ATG5: variants seen among roughly 807,000 people sequenced by gnomAD.
The protein encoded by ATG5 is autophagy related 5, also known as autophagy protein 5.
In ATG5, 14 loss-of-function variants were observed where a neutral mutation model predicts 36.5. The observed-to-expected ratio is 0.38, with a 90% confidence interval of 0.25 to 0.60. The LOEUF (loss-of-function observed/expected upper bound fraction) is 0.60. ATG5 is among the 20% of genes least tolerant of loss of function. The probability of loss-of-function intolerance (pLI) is 0.60; values close to 1 mark genes in which losing one functional copy is unlikely to be tolerated. For missense variants in ATG5, 195 were observed against 326.7 expected (o/e 0.60, Z 3.11); for synonymous variants, 95 against 101.5 (o/e 0.94, Z 0.38).
At chr6:106,319,581 T>C (rs1326353717) in intron 1 of ATG5, among the ~76,000 whole-genome samples, 19 of 152,206 alleles carry the variant, frequency 1.2e-4, no homozygotes, top group Non-Finnish European at 2.8e-4. Flanking sequence ...TTACCTTATC[T>C]TTCAACTTAA....
intron 6 of ATG5, among the ~76,000 whole-genome samples, chr6:106,247,833 G>A (rs185300342): frequency 6.6e-6 from 1 of 152,304 alleles, no homozygotes; most frequent in East Asian, 1.9e-4. Context: ...TGGGAAATGA[G>A]CATCAGGTGA....
chr6:106,280,246 T>C (rs1265110656), intron 4 of ATG5, among the ~76,000 whole-genome samples: 5 of 149,866 alleles, frequency 3.3e-5, no homozygotes, highest in African/African-American at 9.8e-5. Context: ...AACTAGGCAT[T>C]TACCTAAGAG....
At chr6:106,213,483 A>G (rs539839314) in intron 6 of ATG5, among the ~76,000 whole-genome samples, 2 of 152,336 alleles carry the variant, frequency 1.3e-5, no homozygotes, top group East Asian at 1.9e-4. Context: ...GAAGATAAAA[A>G]TAATGGAGGG....
intron 5 of ATG5, among the ~76,000 whole-genome samples, chr6:106,274,770 T>A (rs1779578959): frequency 6.6e-6 from 1 of 152,220 alleles, no homozygotes; most frequent in Non-Finnish European, 1.5e-5. Context: ...ATGCAGTTAA[T>A]ATTTAGTTTC....
intron 1 of ATG5, among the ~76,000 whole-genome samples, chr6:106,321,892 C>T (rs765322962): frequency 1.3e-5 from 2 of 152,060 alleles, no homozygotes; most frequent in Non-Finnish European, 2.9e-5. Flanking sequence ...ACATAGTAGG[C>T]TTTGAAATTT....
intron 1 of ATG5, among the ~76,000 whole-genome samples, chr6:106,321,370 T>A (rs1582698551): frequency 1.3e-5 from 2 of 151,828 alleles, no homozygotes; most frequent in Non-Finnish European, 2.9e-5. Flanking sequence ...CTCTTTTTTT[T>A]TTTTTTGAGA....
intron 5 of ATG5, among the ~76,000 whole-genome samples, chr6:106,277,622 C>CT (rs1462962895): frequency 6.6e-6 from 1 of 152,332 alleles, no homozygotes; most frequent in East Asian, 1.9e-4. Context: ...CGAGACCAGC[C>CT]TGGCCAACAT....
At chr6:106,240,693 A>C (rs1221205572) in intron 6 of ATG5, among the ~76,000 whole-genome samples, 1 of 152,044 alleles carries the variant, frequency 6.6e-6, no homozygotes, top group East Asian at 1.9e-4. Flanking sequence ...CTACCTTTTG[A>C]TGCAAAAACT....
rs1444310201 is a variant in ATG5 at position 106,316,094 on chromosome 6, T to C, written c.108+7A>G. On this transcript the variant is annotated splice_region_variant and intron_variant, in intron 2 of 7. Transcript: ENST00000369076. ...AATATCCCATTTGCCACAATCAATG[T>C]ACTTACATAGTATGGTTCTGCTTCC... 4 of 1,601,062 alleles carry C rather than the reference T, an allele frequency of 2.5e-6. No homozygotes were observed. The highest frequency in any genetic ancestry group is 3.4e-6 in the Non-Finnish European group (4 of 1,171,986).
chr6:106,191,803 AC>A (rs1276011907), intron 7 of ATG5, among the ~76,000 whole-genome samples: 1 of 152,182 alleles, frequency 6.6e-6, no homozygotes, highest in Non-Finnish European at 1.5e-5. Flanking sequence ...TGATTTAGTA[AC>A]AAAAAGTAAA....
chr6:106,196,554 T>C (rs1196138438), intron 7 of ATG5, among the ~76,000 whole-genome samples: 1 of 151,994 alleles, frequency 6.6e-6, no homozygotes, highest in Non-Finnish European at 1.5e-5. Context: ...TGAAACCCCG[T>C]CTCTACCAAA....
At chr6:106,270,396 A>C (rs1396612741) in intron 5 of ATG5, among the ~76,000 whole-genome samples, 1 of 152,212 alleles carries the variant, frequency 6.6e-6, no homozygotes, top group African/African-American at 2.4e-5. Context: ...GGTTGGAATT[A>C]TTCACCTTCC....
chr6:106,257,124 A>G (rs1339221716), intron 5 of ATG5, among the ~76,000 whole-genome samples: 1 of 152,200 alleles, frequency 6.6e-6, no homozygotes, highest in East Asian at 1.9e-4. Context: ...GATCATCAAT[A>G]TCACTGTCTT....
intron 4 of ATG5, among the ~76,000 whole-genome samples, chr6:106,285,259 G>T (rs1247920635): frequency 2.0e-5 from 3 of 151,994 alleles, no homozygotes; most frequent in South Asian, 2.1e-4. Context: ...CAATTTTGTG[G>T]TTTTTTTAAG....
chr6:106,200,893 C>T (rs557167953), intron 7 of ATG5, among the ~76,000 whole-genome samples: 3 of 152,110 alleles, frequency 2.0e-5, no homozygotes, highest in Non-Finnish European at 4.4e-5. Context: ...TACACACACA[C>T]ACACACAATG....
chr6:106,309,704 C>G (rs1770577479), intron 2 of ATG5, among the ~76,000 whole-genome samples: 1 of 152,064 alleles, frequency 6.6e-6, no homozygotes, highest in Non-Finnish European at 1.5e-5. Flanking sequence ...AGAAAAGATT[C>G]AGTGTAGTCT....
intron 6 of ATG5, among the ~76,000 whole-genome samples, chr6:106,242,095 T>TA (rs1446175358): frequency 2.6e-5 from 4 of 151,814 alleles, no homozygotes; most frequent in African/African-American, 9.7e-5. Flanking sequence ...ATTAAGCCTT[T>TA]AAAAAGTGGA....
At chr6:106,309,529 AAT>A (rs749777521) in intron 2 of ATG5, among the ~76,000 whole-genome samples, 44 of 152,154 alleles carry the variant, frequency 2.9e-4, no homozygotes, top group Non-Finnish European at 5.7e-4. Context: ...CATTCAACAG[AAT>A]ATAAGTTATT....
chr6:106,202,121 A>G, intron 6 of ATG5, 32 bp from the exon 7 acceptor site: 1 of 1,567,708 alleles, frequency 6.4e-7, no homozygotes, highest in South Asian at 1.1e-5. Context: ...GATTCAAGCA[A>G]TTAAGTCTTT....
Sources: gnomAD v4.1 joint callset for allele counts (sites outside exome capture counted in the v4.1 genomes callset) on GRCh38, gnomAD v4.1.1 for gene constraint, MANE v1.5 for transcripts, NCBI Gene and HGNC (gene_info 2026-07-23, HGNC 2026-07-21) for gene names.